KHDRBS2: variants seen among roughly 807,000 people sequenced by gnomAD.
KHDRBS2 encodes the protein KH RNA binding domain containing, signal transduction associated 2.
A neutral mutation model predicts 44.3 loss-of-function variants in KHDRBS2; 26 were observed. That is an observed-to-expected ratio of 0.59 (90% CI 0.43 to 0.81). The LOEUF (loss-of-function observed/expected upper bound fraction) is 0.81. KHDRBS2 is among the 40% of genes least tolerant of loss of function. The probability of loss-of-function intolerance (pLI) is 0.00; values close to 1 mark genes in which losing one functional copy is unlikely to be tolerated. For synonymous variants in KHDRBS2, 194 were observed against 151.1 expected (o/e 1.28, Z -2.08); for missense variants, 476 against 433.1 (o/e 1.10, Z -0.88).
chr6:61,768,937 T>A (rs1780408697), intron 6 of KHDRBS2, among the ~76,000 whole-genome samples: 2 of 152,108 alleles, frequency 1.3e-5, no homozygotes, highest in African/African-American at 4.8e-5. Flanking sequence ...CCTACCTTCT[T>A]ATTGATTCAA....
chr6:61,718,213 T>A (rs1771762314), intron 7 of KHDRBS2, among the ~76,000 whole-genome samples: 1 of 151,994 alleles, frequency 6.6e-6, no homozygotes, highest in African/African-American at 2.4e-5. Flanking sequence ...GTGGCTCCCA[T>A]CCTATAGGCT....
At chr6:62,036,784 C>A (rs1191081460) in intron 3 of KHDRBS2, among the ~76,000 whole-genome samples, 1 of 151,914 alleles carries the variant, frequency 6.6e-6, no homozygotes, top group Non-Finnish European at 1.5e-5. Flanking sequence ...TAATCTCAAG[C>A]AAATTACTGT....
chr6:61,625,469 G>C, the KHDRBS2 span, among the ~76,000 whole-genome samples: 49 of 151,534 alleles, frequency 3.2e-4, no homozygotes, highest in South Asian at 8.0e-3. Flanking sequence ...GCTTCTAGTT[G>C]CTACATTTTT....
the KHDRBS2 span, among the ~76,000 whole-genome samples, chr6:61,556,562 T>C: frequency 6.6e-6 from 1 of 152,038 alleles, no homozygotes; most frequent in Non-Finnish European, 1.5e-5. Context: ...TCAAAAACCA[T>C]AGTTTGTCAG....
At chr6:61,596,695 AGG>A in the KHDRBS2 span, among the ~76,000 whole-genome samples, 1 of 152,168 alleles carries the variant, frequency 6.6e-6, no homozygotes, top group Non-Finnish European at 1.5e-5. Context: ...CACTGTCACC[AGG>A]CTGGAGTACA....
rs16883133 is a variant in KHDRBS2, at chr6:62,286,015, T to C, written c.-67A>G. ...CGCTCGCTCGGACGCAGGCAGGGTC[T>C]TGGGGCAGCGCCTGGCTCCCGCGCT... On this transcript the variant is annotated 5_prime_UTR_variant, in exon 1 of 9. Coordinates refer to ENST00000281156, the MANE Select transcript of KHDRBS2 (RefSeq NM_152688.4). The C allele has an allele frequency of 4.1e-6, 4 of 967,846 alleles. No homozygotes were observed. Among genetic ancestry groups the C allele is most frequent in the East Asian group, 5.1e-5 (2 of 39,012 alleles). The allele number at this position is 967,846 out of a possible 1,614,324, so 60.0% of individuals were successfully genotyped here. A position where few individuals can be genotyped will look rare whatever the true frequency, so the allele number is the denominator to read the frequency against.
chr6:62,254,748 G>T (rs572660457), intron 1 of KHDRBS2, among the ~76,000 whole-genome samples: 1 of 152,096 alleles, frequency 6.6e-6, no homozygotes, highest in East Asian at 1.9e-4. Context: ...TAGGACACTG[G>T]ATTTCATTCT....
chr6:61,738,673 C>A (rs1775737529), intron 6 of KHDRBS2, among the ~76,000 whole-genome samples: 1 of 151,826 alleles, frequency 6.6e-6, no homozygotes, highest in East Asian at 1.9e-4. Flanking sequence ...GTGTGTGTTA[C>A]CATAAACACA....
chr6:62,216,972 T>C (rs1030231944), intron 1 of KHDRBS2, among the ~76,000 whole-genome samples: 15 of 147,196 alleles, frequency 1.0e-4, no homozygotes, highest in African/African-American at 3.5e-4. Context: ...TAACAGACTA[T>C]AGAAATTTCC....
At chr6:62,032,599 CAAAT>C (rs1784559094) in intron 3 of KHDRBS2, among the ~76,000 whole-genome samples, 1 of 151,234 alleles carries the variant, frequency 6.6e-6, no homozygotes, top group Non-Finnish European at 1.5e-5. Flanking sequence ...AGAACCCTGA[CAAAT>C]AAAACCGTCA....
At chr6:61,836,783 C>T (rs1293313975) in intron 6 of KHDRBS2, among the ~76,000 whole-genome samples, 1 of 151,764 alleles carries the variant, frequency 6.6e-6, no homozygotes, top group Non-Finnish European at 1.5e-5. Flanking sequence ...ATATATACAA[C>T]AGATTAATAA....
chr6:61,558,122 CATTT>C, the KHDRBS2 span, among the ~76,000 whole-genome samples: 1 of 151,766 alleles, frequency 6.6e-6, no homozygotes, highest in Non-Finnish European at 1.5e-5. Flanking sequence ...ATTTCAATTT[CATTT>C]ATTTATGCAC....
At chr6:62,015,588 A>G (rs1781065019) in intron 3 of KHDRBS2, among the ~76,000 whole-genome samples, 1 of 152,138 alleles carries the variant, frequency 6.6e-6, no homozygotes. Flanking sequence ...GACAATTTCC[A>G]GAGCTCCAGA....
intron 6 of KHDRBS2, among the ~76,000 whole-genome samples, chr6:61,784,305 G>A (rs1198292470): frequency 2.6e-5 from 4 of 151,616 alleles, no homozygotes; most frequent in African/African-American, 9.7e-5. Context: ...AATTGGATAA[G>A]TTTAAAAAAT....
intron 7 of KHDRBS2, among the ~76,000 whole-genome samples, chr6:61,725,828 G>A (rs558794180): frequency 1.3e-4 from 20 of 152,118 alleles, no homozygotes; most frequent in African/African-American, 4.8e-4. Context: ...AAAAATCTCA[G>A]GACCAGAATC....
At chr6:62,173,697 C>T (rs1820525789) in intron 2 of KHDRBS2, among the ~76,000 whole-genome samples, 1 of 152,088 alleles carries the variant, frequency 6.6e-6, no homozygotes. Flanking sequence ...AATCCAGCAG[C>T]AGGTTAAAAA....
At chr6:62,236,333 T>C (rs781436481) in intron 1 of KHDRBS2, among the ~76,000 whole-genome samples, 5 of 152,022 alleles carry the variant, frequency 3.3e-5, no homozygotes, top group Non-Finnish European at 7.4e-5. Context: ...TCTAGCAGTA[T>C]AATAAAACAA....
Position 62,043,760 on chromosome 6 carries a change from C to T in KHDRBS2, c.336+4118G>A, listed in dbSNP as rs140466422. Reference sequence around the variant, plus strand: ...TAAACTTGAATCTTCTTATTAGATACCACTAGAATTATTTTATATATGATG... The same window carrying T: ...TAAACTTGAATCTTCTTATTAGATATCACTAGAATTATTTTATATATGATG... On this transcript the variant is annotated intron_variant, in intron 3 of 8. Coordinates refer to ENST00000281156, the MANE Select transcript of KHDRBS2 (RefSeq NM_152688.4). Among the ~76,000 whole-genome samples, 665 of 152,000 alleles carry T rather than the reference C, an allele frequency of 4.4e-3. 7 individuals carry two copies. Among genetic ancestry groups the T allele is most frequent in the African/African-American group, 0.015 (627 of 41,486 alleles).
chr6:61,829,421 C>T lies in KHDRBS2; in HGVS notation c.810+65214G>A, dbSNP rs1255345236. 8.5e-5 allele frequency among the ~76,000 whole-genome samples: 13 copies of T among 152,146 alleles called. 1 individual carries two copies. The highest frequency in any genetic ancestry group is 3.1e-4 in the African/African-American group (13 of 41,432). ...TCAGGGAATCTGCCTGCCTTGGCCT[C>T]CCAAAGTGCTGGGATTACAAGCATG... On this transcript the variant is annotated intron_variant, in intron 6 of 8. Coordinates refer to ENST00000281156, the MANE Select transcript of KHDRBS2 (RefSeq NM_152688.4).
Sources: allele counts gnomAD v4.1 joint callset (sites outside exome capture counted in the v4.1 genomes callset), GRCh38; gene constraint gnomAD v4.1.1; transcripts MANE v1.5; gene names NCBI Gene and HGNC (gene_info 2026-07-23, HGNC 2026-07-21).